The following MAP3K7CL variants were observed in gnomAD, a reference collection of about 807,000 sequenced individuals.
MAP3K7CL encodes MAP3K7 C-terminal-like protein.
A neutral mutation model predicts 18.6 loss-of-function variants in MAP3K7CL; 16 were observed. That is an observed-to-expected ratio of 0.86 (90% CI 0.58 to 1.31). The LOEUF (loss-of-function observed/expected upper bound fraction) is 1.31, where lower values mean the gene tolerates loss of function less well. Among genes scored for constraint, MAP3K7CL ranks in the 50% most tolerant of loss-of-function variants. MAP3K7CL has a pLI of 0.00. For missense variants in MAP3K7CL, 163 were observed against 174.4 expected, an observed-to-expected ratio of 0.93 and a Z score of 0.37; for synonymous variants, 65 against 66.8, an observed-to-expected ratio of 0.97 and a Z score of 0.13.
At chr21:29,098,559 C>T (rs769738109) in intron 4 of MAP3K7CL, among the ~76,000 whole-genome samples, 9 of 152,224 alleles carry the variant, frequency 5.9e-5, no homozygotes, top group African/African-American at 9.6e-5. Flanking sequence ...CACTGTGCAC[C>T]GTTCTTTCAA....
intron 4 of MAP3K7CL, among the ~76,000 whole-genome samples, chr21:29,097,417 A>G (rs2086142370): frequency 6.6e-6 from 1 of 152,206 alleles, no homozygotes; most frequent in African/African-American, 2.4e-5. Context: ...AAAAAATATT[A>G]CTATTGTTCA....
chr21:29,091,600 C>G (rs1198372406), intron 2 of MAP3K7CL: 4 of 700,552 alleles, frequency 5.7e-6, no homozygotes, highest in Non-Finnish European at 1.0e-5. Context: ...CTCAGCCCCT[C>G]AAGTAACTGG....
At chr21:29,127,241 A>G (rs1342613186), upstream of MAP3K7CL, among the ~76,000 whole-genome samples, 1 of 152,260 alleles carries the variant, frequency 6.6e-6, no homozygotes, top group Non-Finnish European at 1.5e-5. Context: ...CTTGAATATT[A>G]TTGAAAATAA....
At chr21:29,131,056 T>C in intron 1 of MAP3K7CL, 133 bp downstream of exon 1, 1 of 378,704 alleles carries the variant, frequency 2.6e-6, no homozygotes, top group Non-Finnish European at 3.6e-6. Context: ...AAAAGGCAAG[T>C]TGGTGTAGGG....
chr21:29,146,110 C>A (rs1227048740), intron 2 of MAP3K7CL, among the ~76,000 whole-genome samples: 2 of 151,388 alleles, frequency 1.3e-5, no homozygotes, highest in African/African-American at 4.9e-5. Flanking sequence ...TCACAGGGGG[C>A]AAGGTGGATT....
At chr21:29,108,651 C>A (rs1255484606) in intron 4 of MAP3K7CL, among the ~76,000 whole-genome samples, 1 of 152,134 alleles carries the variant, frequency 6.6e-6, no homozygotes, top group Admixed American at 6.6e-5. Context: ...AAACCACTCC[C>A]CTCTCTGAGT....
intron 3 of MAP3K7CL, among the ~76,000 whole-genome samples, chr21:29,159,019 C>T (rs1312469193): frequency 6.9e-6 from 1 of 145,796 alleles, no homozygotes; most frequent in Non-Finnish European, 1.5e-5. Context: ...CTCCTGGGTT[C>T]AAGCGATTCT....
At chr21:29,085,708 T>C (rs2146482951), upstream of MAP3K7CL, 1 of 654,694 alleles carries the variant, frequency 1.5e-6, no homozygotes, top group East Asian at 2.6e-5. Context: ...AATGAAATGT[T>C]ACTGTATTTA....
chr21:29,159,980 G>A lies in MAP3K7CL; in HGVS notation c.172G>A (p.Val58Met), dbSNP rs1426001361. 3.7e-6 allele frequency: 6 copies of A among 1,614,094 alleles called. No homozygotes were observed. The highest frequency in any genetic ancestry group is 1.7e-5 in the Admixed American group (1 of 60,014). Residue 58 changes from valine (V) to methionine (M), a missense_variant, in exon 4 of 5, where the codon GTG becomes ATG. Val to Met is a conservative substitution (Grantham distance 21). Coordinates refer to ENST00000399928, the MANE Select transcript of MAP3K7CL (RefSeq NM_001286620.2). ...PCHDSEESME[V>M]FKQHCQIAEE... ...TCATGACTCCGAGGAATCCATGGAG[G>A]TGTTCAAACAGCACTGCCAAATAGC...
At chr21:29,144,150 A>ATT (rs759422991) in intron 2 of MAP3K7CL, among the ~76,000 whole-genome samples, 6 of 143,606 alleles carry the variant, frequency 4.2e-5, no homozygotes, top group Non-Finnish European at 6.1e-5. Flanking sequence ...GTTTTAGGGA[A>ATT]TTTTTTTTTT....
At chr21:29,107,889 T>C (rs540901726) in intron 4 of MAP3K7CL, among the ~76,000 whole-genome samples, 4 of 152,228 alleles carry the variant, frequency 2.6e-5, no homozygotes, top group Non-Finnish European at 5.9e-5. Flanking sequence ...ATAATATTCA[T>C]GACAACTCTA....
intron 2 of MAP3K7CL, among the ~76,000 whole-genome samples, chr21:29,144,905 A>G (rs1601236774): frequency 6.6e-6 from 1 of 152,254 alleles, no homozygotes; most frequent in Non-Finnish European, 1.5e-5. Flanking sequence ...CATCAAATGT[A>G]CTATGGTACA....
At chr21:29,086,505 T>C in intron 1 of MAP3K7CL, among the ~76,000 whole-genome samples, 1 of 152,252 alleles carries the variant, frequency 6.6e-6, no homozygotes, top group South Asian at 2.1e-4. Context: ...CATTTCATAG[T>C]GACCACAGCA....
intron 4 of MAP3K7CL, among the ~76,000 whole-genome samples, chr21:29,113,041 C>T (rs996355199): frequency 1.2e-4 from 18 of 152,142 alleles, no homozygotes; most frequent in African/African-American, 2.7e-4. Context: ...ACTCCTCACC[C>T]GCCTTGGCCT....
At chr21:29,115,847 C>T (rs1257681540) in intron 4 of MAP3K7CL, among the ~76,000 whole-genome samples, 1 of 152,204 alleles carries the variant, frequency 6.6e-6, no homozygotes, top group Admixed American at 6.5e-5. Context: ...ATTAATTATT[C>T]TATTTAAAGC....
rs532135832 is a variant in MAP3K7CL at position 29,111,115 on chromosome 21, G to A, written c.370+18534G>A. On this transcript the variant is annotated intron_variant, in intron 4 of 6. Coordinates refer to the MAP3K7CL transcript ENST00000286791. ...ACTAAATATACAAAAACTTAGCCAG[G>A]CGTGGTGGTGAGTGCCTGTAGTCCC... is the stretch of plus-strand genomic sequence containing the variant. Among the ~76,000 whole-genome samples, 3 of 152,182 alleles carry A rather than the reference G, an allele frequency of 2.0e-5. No individual in the cohort carries two copies. In the South Asian group the frequency reaches 6.2e-4, roughly 32 times the overall value.
At chr21:29,109,124 G>T in intron 4 of MAP3K7CL, 1 of 1,535,384 alleles carries the variant, frequency 6.5e-7, no homozygotes, top group South Asian at 1.2e-5. Flanking sequence ...ACCTGGGCCT[G>T]ACTGAAGATG....
At chr21:29,116,816 A>G (rs2086511965) in intron 4 of MAP3K7CL, among the ~76,000 whole-genome samples, 1 of 152,190 alleles carries the variant, frequency 6.6e-6, no homozygotes, top group African/African-American at 2.4e-5. Context: ...CAGGGTGTGA[A>G]TCAGCTATAG....
intron 4 of MAP3K7CL, among the ~76,000 whole-genome samples, chr21:29,124,218 G>A (rs1347803501): frequency 6.6e-6 from 1 of 151,924 alleles, no homozygotes; most frequent in African/African-American, 2.4e-5. Flanking sequence ...GCTGGGCGTG[G>A]TGGCAGGCAC....
Sources: allele counts gnomAD v4.1 joint callset (sites outside exome capture counted in the v4.1 genomes callset), GRCh38; gene constraint gnomAD v4.1.1; transcripts MANE v1.5; gene names NCBI Gene and HGNC (gene_info 2026-07-23, HGNC 2026-07-21).